Variants in PITPNM2 observed in about 807,000 individuals in gnomAD.
PITPNM2 encodes the protein phosphatidylinositol transfer protein membrane associated 2.
A neutral mutation model predicts 132.2 loss-of-function variants in PITPNM2; 35 were observed. That is an observed-to-expected ratio of 0.26 (90% CI 0.20 to 0.35). The LOEUF is 0.35. Among genes scored for constraint, PITPNM2 ranks in the 10% least tolerant of loss-of-function variants. The pLI, the probability that PITPNM2 is intolerant of heterozygous loss-of-function variation, is 1.00. For synonymous variants in PITPNM2, 738 were observed against 799.2 expected (o/e 0.92, Z 1.29); for missense variants, 1,332 against 1,912.0 (o/e 0.70, Z 5.66).
chr12:122,995,556 A>G lies in PITPNM2; in HGVS notation c.1887T>C (p.Ser629=), dbSNP rs376021624. Residue 629 remains serine (S), a synonymous_variant, in exon 14 of 26, where the codon AGT becomes AGC. Coordinates refer to ENST00000320201, the MANE Select transcript of PITPNM2 (RefSeq NM_020845.3). The part of the protein sequence containing the change: ...GGGGSSGGGG[S]SGGSSLESSR... ...TGCTCTCCAGGCTGGAGCCACCACT[A>G]CTGCCACCACCACCACTGCTGCCAC... is the stretch of plus-strand genomic sequence containing the variant. 70 of 1,609,216 alleles carry G rather than the reference A, an allele frequency of 4.3e-5. No individual in the cohort carries two copies. The highest frequency in any genetic ancestry group is 5.8e-5 in the Non-Finnish European group (69 of 1,179,812).
chr12:123,093,762 G>C (rs759768357), intron 2 of PITPNM2, among the ~76,000 whole-genome samples: 2 of 152,240 alleles, frequency 1.3e-5, no homozygotes, highest in African/African-American at 2.4e-5. Context: ...CTCTTCCATG[G>C]CTTTAATACC....
At chr12:123,015,185 T>C (rs2039371832) in intron 3 of PITPNM2, among the ~76,000 whole-genome samples, 1 of 152,158 alleles carries the variant, frequency 6.6e-6, no homozygotes, top group Non-Finnish European at 1.5e-5. Context: ...GAACAGCTGA[T>C]CCTAAAATTC....
rs1411315043 is a variant in PITPNM2, at chr12:123,005,550, T to G, written c.644-2A>C. ...CCCGCACCATCACCCTCCGTAGTCC[T>G]GTGCCCCATGGGGATCAGAGAGGGA... On this transcript the variant is annotated splice_acceptor_variant, in intron 6 of 25. Transcript: ENST00000320201. LOFTEE classifies it high-confidence loss of function. The surrounding 1 kb of genome is among the most constrained non-coding windows in gnomAD (Gnocchi z 6.2). The G allele has an allele frequency of 6.2e-7, 1 of 1,611,496 alleles. No individual in the cohort carries two copies. Among genetic ancestry groups the G allele is most frequent in the Non-Finnish European group, 8.5e-7 (1 of 1,178,890 alleles).
chr12:122,992,807 G>A lies in PITPNM2; in HGVS notation c.2234-138C>T. On this transcript the variant is annotated intron_variant, in intron 15 of 25. Coordinates refer to ENST00000320201, the MANE Select transcript of PITPNM2 (RefSeq NM_020845.3). This position sits in a 1 kb window ranked among gnomAD's most constrained non-coding sequence, Gnocchi z 6.5. ...TGGGGGGTGTGTCTCTATCAATTTG[G>A]GACCTGTTTGGGTCATTGTCACTTT... is the stretch of plus-strand genomic sequence containing the variant. 1.6e-6 allele frequency: 1 copy of A among 637,092 alleles called. No homozygotes were observed. The highest frequency in any genetic ancestry group is 2.6e-6 in the Non-Finnish European group (1 of 380,706). 39.5% of individuals were successfully genotyped at this position (637,092 alleles called of 1,614,324 possible). A position where few individuals can be genotyped will look rare whatever the true frequency, so the allele number is the denominator to read the frequency against.
chr12:123,004,601 A>T lies in PITPNM2; in HGVS notation c.953-112T>A. The T allele has an allele frequency of 1.1e-6, 1 of 936,044 alleles. No homozygotes were observed. Among genetic ancestry groups the T allele is most frequent in the African/African-American group, 1.6e-5 (1 of 62,014 alleles). The allele number at this position is 936,044 out of a possible 1,614,324, so 58.0% of individuals were successfully genotyped here. ...CCCACAGGCCTGACAGGCATCACAG[A>T]GGCTGCCACAGGAGCCAGGAAGGTT... On this transcript the variant is annotated intron_variant, in intron 7 of 25. Transcript: ENST00000320201. This position sits in a 1 kb window ranked among gnomAD's most constrained non-coding sequence, Gnocchi z 4.9.
chr12:123,119,580 G>A (rs1260345517), intron 1 of PITPNM2, among the ~76,000 whole-genome samples: 1 of 151,692 alleles, frequency 6.6e-6, no homozygotes, highest in Non-Finnish European at 1.5e-5. Context: ...GGATGGTCTT[G>A]ATCTCCTGAC....
chr12:123,087,444 C>T (rs1020818614), intron 2 of PITPNM2: 3 of 151,774 alleles, frequency 2.0e-5, no homozygotes, highest in Non-Finnish European at 4.4e-5. Flanking sequence ...GACGGGGTTT[C>T]GCTATGTTGG....
In PITPNM2 at chr12:123,150,877, C is replaced by T. The variant is rs2043728824; in HGVS notation, c.-324G>A. On this transcript the variant is annotated 5_prime_UTR_variant, in exon 1 of 26. Coordinates refer to ENST00000320201, the MANE Select transcript of PITPNM2 (RefSeq NM_020845.3). This position sits in a 1 kb window ranked among gnomAD's most constrained non-coding sequence, Gnocchi z 6.0. Reference sequence around the variant, plus strand: ...GCCCGGCCGGCTGCGCCCCGCGCGCCCCCGCCGCCTGCTGGCCCCGGGCGA... The same window carrying T: ...GCCCGGCCGGCTGCGCCCCGCGCGCTCCCGCCGCCTGCTGGCCCCGGGCGA... 6.9e-6 allele frequency among the ~76,000 whole-genome samples: 1 copy of T among 145,898 alleles called. No individual in the cohort carries two copies. The highest frequency in any genetic ancestry group is 1.5e-5 in the Non-Finnish European group (1 of 65,664).
intron 3 of PITPNM2, among the ~76,000 whole-genome samples, chr12:123,016,183 G>A (rs2039417329): frequency 6.6e-6 from 1 of 151,916 alleles, no homozygotes; most frequent in African/African-American, 2.4e-5. Context: ...AAAAGTAGCT[G>A]GGCGTGGTGG....
chr12:123,104,988 C>T (rs138251171), intron 2 of PITPNM2, among the ~76,000 whole-genome samples: 1 of 152,302 alleles, frequency 6.6e-6, no homozygotes, highest in Non-Finnish European at 1.5e-5. Flanking sequence ...ATACAGCCTG[C>T]AAAGCCCTGA....
intron 1 of PITPNM2, among the ~76,000 whole-genome samples, chr12:123,126,194 C>A (rs2043138830): frequency 6.6e-6 from 1 of 152,018 alleles, no homozygotes; most frequent in Admixed American, 6.6e-5. Context: ...AATCCTGTGA[C>A]CCTCATATCC....
At chr12:122,996,661 G>T in intron 12 of PITPNM2, 60 bp downstream of exon 12, 1 of 1,611,324 alleles carries the variant, frequency 6.2e-7, no homozygotes, top group Non-Finnish European at 8.5e-7. Flanking sequence ...TCCCCCTGAG[G>T]CCAGCCCGCC....
rs1022457629 is a variant in PITPNM2 at position 123,058,241 on chromosome 12, A to G, written c.-95-23556T>C. On this transcript the variant is annotated intron_variant, in intron 2 of 25. Coordinates refer to ENST00000320201, the MANE Select transcript of PITPNM2 (RefSeq NM_020845.3). This position sits in a 1 kb window ranked among gnomAD's most constrained non-coding sequence, Gnocchi z 4.0. ...CCAGGTCTCCGTCTCCAATGCCACC[A>G]TGGGGTCCCCTCCCCAAGAATTCCA... 5.3e-5 allele frequency among the ~76,000 whole-genome samples: 8 copies of G among 152,108 alleles called. No homozygotes were observed. Among genetic ancestry groups the G allele is most frequent in the African/African-American group, 1.7e-4 (7 of 41,418 alleles).
intron 3 of PITPNM2, among the ~76,000 whole-genome samples, chr12:123,019,743 G>T (rs1208037077): frequency 6.6e-6 from 1 of 152,238 alleles, no homozygotes; most frequent in East Asian, 1.9e-4. Flanking sequence ...CATTGTCCAG[G>T]CTGGTCTGCT....
intron 2 of PITPNM2, chr12:123,090,093 G>A (rs1041356187): frequency 2.0e-5 from 3 of 152,208 alleles, no homozygotes; most frequent in Admixed American, 6.5e-5. Flanking sequence ...AGGAAGCTGA[G>A]AGTGGCTTGG....
At chr12:123,051,828 G>A (rs1217414472) in intron 2 of PITPNM2, among the ~76,000 whole-genome samples, 1 of 151,862 alleles carries the variant, frequency 6.6e-6, no homozygotes. Context: ...ACCCATCTGC[G>A]ATCACTCTAA....
In PITPNM2 at chr12:123,097,596, T is replaced by C. The variant is rs117040610; in HGVS notation, c.-96+12789A>G. Reference sequence around the variant, plus strand: ...ATGGGGAGGGGTTCCAGCAGACTTATTTATAGCCAAGCAGCCTGTCCGCAC... The same window carrying C: ...ATGGGGAGGGGTTCCAGCAGACTTACTTATAGCCAAGCAGCCTGTCCGCAC... On this transcript the variant is annotated intron_variant, in intron 2 of 25. Transcript: ENST00000320201. This position sits in a 1 kb window ranked among gnomAD's most constrained non-coding sequence, Gnocchi z 4.7. Among the ~76,000 whole-genome samples, 13 of 152,274 alleles carry C rather than the reference T, an allele frequency of 8.5e-5. No homozygotes were observed. In the East Asian group the frequency reaches 2.5e-3, roughly 29 times the overall value.
intron 16 of PITPNM2, among the ~76,000 whole-genome samples, chr12:122,991,010 ACCCCAGTGG>A (rs2038164745): frequency 6.6e-6 from 1 of 152,058 alleles, no homozygotes; most frequent in African/African-American, 2.4e-5. Context: ...TGTCTCCAGC[ACCCCAGTGG>A]CTCCAGGGCC....
chr12:123,033,522 C>T (rs1234567967), intron 3 of PITPNM2, among the ~76,000 whole-genome samples: 3 of 152,182 alleles, frequency 2.0e-5, no homozygotes, highest in Non-Finnish European at 2.9e-5. Context: ...AGCCTGTCAT[C>T]CTCAAACTCC....
Sources: gnomAD v4.1 joint callset for allele counts (sites outside exome capture counted in the v4.1 genomes callset) on GRCh38, gnomAD v4.1.1 for gene constraint, Gnocchi (gnomAD v3.1) non-coding constraint, MANE v1.5 for transcripts, NCBI Gene and HGNC (gene_info 2026-07-23, HGNC 2026-07-21) for gene names.